Variants in LPL observed in about 807,000 individuals in gnomAD.
LPL encodes the protein lipoprotein lipase.
LPL carries 43 observed loss-of-function variants against 52.2 expected under a neutral mutation model. That is an observed-to-expected ratio of 0.82 (90% CI 0.64 to 1.06). The LOEUF (loss-of-function observed/expected upper bound fraction) is 1.06. Ranked by LOEUF, LPL falls within the 50% of genes least tolerant of loss-of-function variation. The pLI is 0.00. For missense variants in LPL, 639 were observed against 585.3 expected (o/e 1.09, Z -0.95); for synonymous variants, 244 against 215.6 (o/e 1.13, Z -1.15).
At chr8:19,949,160 C>G (rs8176337) in intron 2 of LPL, among the ~76,000 whole-genome samples, 51,108 of 152,008 alleles carry the variant, frequency 0.34, 11,210 homozygotes, top group African/African-American at 0.63. Context: ...TGTAAAATGG[C>G]TTGTTAAAGA....
intron 9 of LPL, among the ~76,000 whole-genome samples, chr8:19,962,542 T>G (rs907225266): frequency 2.0e-5 from 3 of 152,206 alleles, no homozygotes; most frequent in African/African-American, 7.2e-5. Flanking sequence ...CTCTGCTGAC[T>G]TTGCAGATGC....
At chr8:19,954,097 T>A in intron 4 of LPL, 23 bp from the exon 5 acceptor site, 2 of 1,544,332 alleles carry the variant, frequency 1.3e-6, no homozygotes, top group Non-Finnish European at 1.8e-6. Context: ...CAAATCTGTG[T>A]TCCTGCTTTT....
chr8:19,956,992 T>C (rs2069991631), intron 6 of LPL, among the ~76,000 whole-genome samples: 1 of 152,134 alleles, frequency 6.6e-6, no homozygotes, highest in South Asian at 2.1e-4. Flanking sequence ...CCCAGCTAAT[T>C]TTTGTATTTT....
chr8:19,960,627 A>C (rs1029880660), intron 7 of LPL, among the ~76,000 whole-genome samples: 4 of 152,370 alleles, frequency 2.6e-5, no homozygotes, highest in Admixed American at 2.0e-4. Flanking sequence ...CATGAAAATG[A>C]AAATTATATT....
chr8:19,939,780 C>T lies in LPL; in HGVS notation c.88+252C>T, dbSNP rs932075977. Among the ~76,000 whole-genome samples, 3 of 152,216 alleles carry T rather than the reference C, an allele frequency of 2.0e-5. No individual in the cohort carries two copies. Among genetic ancestry groups the T allele is most frequent in the East Asian group, 1.9e-4 (1 of 5,170 alleles). On this transcript the variant is annotated intron_variant, in intron 1 of 9. Coordinates refer to ENST00000650287, the MANE Select transcript of LPL (RefSeq NM_000237.3). The surrounding 1 kb of genome is among the most constrained non-coding windows in gnomAD (Gnocchi z 4.0). ...TCTCTGCCGGGTTCCCGCGCTATCCCTTCCACTCTGGCTGGGACCGCGTTC... is the reference window on the plus strand; with the variant it reads ...TCTCTGCCGGGTTCCCGCGCTATCCTTTCCACTCTGGCTGGGACCGCGTTC...
chr8:19,953,786 C>A (rs142160620), intron 4 of LPL, among the ~76,000 whole-genome samples: 6 of 152,072 alleles, frequency 3.9e-5, no homozygotes, highest in Non-Finnish European at 7.4e-5. Context: ...GAAAGAAGAC[C>A]GTCATCTAGG....
chr8:19,943,164 C>G (rs528874206), intron 1 of LPL, among the ~76,000 whole-genome samples: 12 of 152,194 alleles, frequency 7.9e-5, no homozygotes, highest in Non-Finnish European at 1.3e-4. Flanking sequence ...GTTGAAGTCT[C>G]TTTCTATGCA....
At chr8:19,947,562 C>A (rs181959877) in intron 1 of LPL, among the ~76,000 whole-genome samples, 1 of 151,870 alleles carries the variant, frequency 6.6e-6, no homozygotes, top group South Asian at 2.1e-4. Flanking sequence ...CACTTGAGTT[C>A]GAGGGTGCAG....
chr8:19,960,132 A>T (rs2070025013), intron 7 of LPL, among the ~76,000 whole-genome samples: 1 of 152,130 alleles, frequency 6.6e-6, no homozygotes. Flanking sequence ...AGGCAACTTG[A>T]TACTTTTACA....
intron 9 of LPL, among the ~76,000 whole-genome samples, chr8:19,964,290 A>T (rs80307903): frequency 8.0e-4 from 122 of 152,292 alleles, no homozygotes; most frequent in African/African-American, 2.9e-3. Flanking sequence ...ATTACACATA[A>T]ATAGCATGCA....
In LPL at chr8:19,966,645, G is replaced by A. The variant is rs1443228459; in HGVS notation, c.*1335G>A. The A allele has an allele frequency of 6.6e-6, 1 of 152,222 alleles. No homozygotes were observed. Among genetic ancestry groups the A allele is most frequent in the African/African-American group, 2.4e-5 (1 of 41,450 alleles). 9.4% of individuals were successfully genotyped at this position (152,222 alleles called of 1,614,324 possible). A position where few individuals can be genotyped will look rare whatever the true frequency, so the allele number is the denominator to read the frequency against. ...ACACATACTAGAAAGCTCTGCATGTGTGTTGTCCTTCAGCATAATTCGGAA... is the reference window on the plus strand; with the variant it reads ...ACACATACTAGAAAGCTCTGCATGTATGTTGTCCTTCAGCATAATTCGGAA... On this transcript the variant is annotated 3_prime_UTR_variant, in exon 10 of 10. Coordinates refer to ENST00000650287, the MANE Select transcript of LPL (RefSeq NM_000237.3).
chr8:19,940,127 G>T (rs1234258945), intron 1 of LPL, among the ~76,000 whole-genome samples: 1 of 152,214 alleles, frequency 6.6e-6, no homozygotes, highest in Non-Finnish European at 1.5e-5. Context: ...GGGTGTCGGG[G>T]TGGAGAAAGT....
rs117753800 is a variant in LPL at position 19,949,866 on chromosome 8, C to T, written c.249+1526C>T. On this transcript the variant is annotated intron_variant, in intron 2 of 9. Coordinates refer to ENST00000650287, the MANE Select transcript of LPL (RefSeq NM_000237.3). ...TTTCAAAAAATCTGAGCTTAATAAACGCATTTATACAACAGAAATAAATTG... is the reference window on the plus strand; with the variant it reads ...TTTCAAAAAATCTGAGCTTAATAAATGCATTTATACAACAGAAATAAATTG... 5.3e-4 allele frequency among the ~76,000 whole-genome samples: 80 copies of T among 152,268 alleles called. 1 individual carries two copies. The highest frequency in any genetic ancestry group is 3.9e-3 in the South Asian group (19 of 4,822).
intron 2 of LPL, 86 bp downstream of exon 2, chr8:19,948,426 G>C: frequency 1.4e-6 from 2 of 1,474,246 alleles, no homozygotes; most frequent in Admixed American, 3.8e-5. Flanking sequence ...CCAGTGATGG[G>C]TCCGCACCCC....
At position 19,954,238 on chromosome 8, in the gene LPL, C is replaced by G; in HGVS notation, c.660C>G (p.Ser220Arg). 1 of 1,614,168 alleles carries G rather than the reference C, an allele frequency of 6.2e-7. No homozygotes were observed. The highest frequency in any genetic ancestry group is 8.5e-7 in the Non-Finnish European group (1 of 1,180,036). ...HTFTRGSPGRSIGIQKPVGHV... is the reference protein window; with the variant it reads ...HTFTRGSPGRRIGIQKPVGHV... ...TCACCAGAGGGTCCCCTGGTCGAAG[C>G]ATTGGAATCCAGAAACCAGTTGGGC... Residue 220 changes from serine (S) to arginine (R), a missense_variant, in exon 5 of 10, where the codon AGC becomes AGG. Coordinates refer to ENST00000650287, the MANE Select transcript of LPL (RefSeq NM_000237.3).
intron 1 of LPL, chr8:19,946,627 C>A: frequency 4.8e-6 from 1 of 209,018 alleles, no homozygotes; most frequent in South Asian, 5.2e-5. Context: ...TCCTCGCAGC[C>A]TCATGAATCT....
rs2069927707 is a variant in LPL at position 19,950,875 on chromosome 8, G to A, written c.250-894G>A. 8.4e-6 allele frequency among the ~76,000 whole-genome samples: 1 copy of A among 118,480 alleles called. No homozygotes were observed. Among genetic ancestry groups the A allele is most frequent in the African/African-American group, 3.3e-5 (1 of 30,288 alleles). The allele number at this position is 118,480 out of a possible 152,430, so 77.7% of individuals were successfully genotyped here. On this transcript the variant is annotated intron_variant, in intron 2 of 9. Transcript: ENST00000650287. This position sits in a 1 kb window ranked among gnomAD's most constrained non-coding sequence, Gnocchi z 4.2. ...GAAGGGAAGGAGGAAGGGAAGGAGG[G>A]AGGGAGGAAGGAAGGAAGGAATGAA...
At chr8:19,947,030 G>T (rs185912528) in intron 1 of LPL, among the ~76,000 whole-genome samples, 28 of 152,288 alleles carry the variant, frequency 1.8e-4, no homozygotes, top group Admixed American at 5.9e-4. Context: ...AGTGGGAAAA[G>T]AAATATTTGG....
intron 1 of LPL, among the ~76,000 whole-genome samples, chr8:19,940,561 T>A (rs1032201243): frequency 5.3e-5 from 8 of 152,352 alleles, no homozygotes; most frequent in African/African-American, 1.9e-4. Context: ...GAACCTCGAT[T>A]CAGTAAACAT....
Sources: gnomAD v4.1 joint callset for allele counts (sites outside exome capture counted in the v4.1 genomes callset) on GRCh38, gnomAD v4.1.1 for gene constraint, Gnocchi (gnomAD v3.1) non-coding constraint, MANE v1.5 for transcripts, NCBI Gene and HGNC (gene_info 2026-07-23, HGNC 2026-07-21) for gene names.